Variants in CREB3L2 observed in about 807,000 individuals in gnomAD.
The protein encoded by CREB3L2 is cyclic AMP-responsive element-binding protein 3-like protein 2.
A neutral mutation model predicts 57.2 loss-of-function variants in CREB3L2; 23 were observed. The ratio of observed to expected loss-of-function variants is 0.40; its 90% CI spans 0.29 to 0.57. The LOEUF is 0.57. Among genes scored for constraint, CREB3L2 ranks in the 20% least tolerant of loss-of-function variants. CREB3L2 has a pLI of 0.42. For missense variants in CREB3L2, 628 were observed against 634.7 expected (o/e 0.99, Z 0.11); for synonymous variants, 268 against 265.1 (o/e 1.01, Z -0.11).
chr7:137,912,880 A>G (rs1172642599), intron 4 of CREB3L2, 111 bp downstream of exon 4: 5 of 1,552,598 alleles, frequency 3.2e-6, no homozygotes, highest in African/African-American at 1.4e-5. Flanking sequence ...TCATAAAGCC[A>G]GCTACAACAT....
Position 137,879,418 on chromosome 7 carries a change from C to T in CREB3L2, c.*1058G>A, listed in dbSNP as rs564972163. The T allele has an allele frequency of 4.7e-6, 2 of 424,008 alleles. No homozygotes were observed. Among genetic ancestry groups the T allele is most frequent in the African/African-American group, 4.0e-5 (2 of 49,948 alleles). 26.3% of individuals were successfully genotyped at this position (424,008 alleles called of 1,614,324 possible). ...GTCTGTTGTCAGAACAGGGCTTCCC[C>T]TTCTCTGTCATGAAAACAGGATAGA... On this transcript the variant is annotated 3_prime_UTR_variant, in exon 12 of 12. Coordinates refer to ENST00000330387, the MANE Select transcript of CREB3L2 (RefSeq NM_194071.4).
intron 1 of CREB3L2, chr7:137,956,494 A>C (rs566266493): frequency 4.8e-5 from 27 of 560,776 alleles, no homozygotes; most frequent in Non-Finnish European, 7.9e-5. Flanking sequence ...TTCTAAATCA[A>C]ATCTGAGCTC....
At chr7:137,975,476 G>A (rs1724980538) in intron 1 of CREB3L2, among the ~76,000 whole-genome samples, 2 of 152,056 alleles carry the variant, frequency 1.3e-5, no homozygotes, top group African/African-American at 4.8e-5. Context: ...TTTTTTAAAG[G>A]GCCTTTGTCC....
chr7:137,960,595 G>A (rs1250285095), intron 1 of CREB3L2, among the ~76,000 whole-genome samples: 1 of 152,086 alleles, frequency 6.6e-6, no homozygotes, highest in Non-Finnish European at 1.5e-5. Flanking sequence ...TCTAATAAAA[G>A]ACAACATTGG....
In CREB3L2 at chr7:137,998,788, TC is replaced by T. The variant is rs369291322; in HGVS notation, c.102+2815del. On this transcript the variant is annotated intron_variant, in intron 1 of 11. Coordinates refer to ENST00000330387, the MANE Select transcript of CREB3L2 (RefSeq NM_194071.4). ...CCCAGTGCAAAATGAAAATGTAAGG[TC>T]CCCAGTTCAAAAAGAATTAAGATTT... Among the ~76,000 whole-genome samples, 85 of 152,130 alleles carry T rather than the reference TC, an allele frequency of 5.6e-4. 1 individual carries two copies. In the East Asian group the frequency reaches 0.011, roughly 19 times the overall value.
In CREB3L2 at chr7:137,960,809, C is replaced by CT. The variant is rs66493086; in HGVS notation, c.103-32444dup. Among the ~76,000 whole-genome samples the CT allele has an allele frequency of 1.0e-3, 98 of 95,566 alleles. 5 individuals carry two copies. Among genetic ancestry groups the CT allele is most frequent in the South Asian group, 3.7e-3 (10 of 2,738 alleles). 62.7% of individuals were successfully genotyped at this position (95,566 alleles called of 152,430 possible). A position where few individuals can be genotyped will look rare whatever the true frequency, so the allele number is the denominator to read the frequency against. The stretch of plus-strand genomic sequence containing the variant: ...TTTTAAACTTAAAACTAAATTATTT[C>CT]TTTTTTTTTTTTTTTTTTTTTGAGA... On this transcript the variant is annotated intron_variant, in intron 1 of 11. Coordinates refer to ENST00000330387, the MANE Select transcript of CREB3L2 (RefSeq NM_194071.4).
intron 4 of CREB3L2, among the ~76,000 whole-genome samples, chr7:137,908,875 C>T (rs1032137636): frequency 6.6e-6 from 1 of 152,146 alleles, no homozygotes; most frequent in Admixed American, 6.5e-5. Flanking sequence ...ACTCAGGAGG[C>T]TGAGGCAGGA....
chr7:137,922,384 G>GTATATATATATA lies in CREB3L2; in HGVS notation c.319+5754_319+5765dup, dbSNP rs1175503933. Among the ~76,000 whole-genome samples, 51 of 19,568 alleles carry GTATATATATATA rather than the reference G, an allele frequency of 2.6e-3. 1 individual carries two copies. Among genetic ancestry groups the GTATATATATATA allele is most frequent in the Admixed American group, 4.0e-3 (5 of 1,254 alleles). 12.8% of individuals were successfully genotyped at this position (19,568 alleles called of 152,430 possible). On this transcript the variant is annotated intron_variant, in intron 2 of 11. Transcript: ENST00000330387. ...TTTCTGGTTTACTATATATATATAT[G>GTATATATATATA]TATATATATATATATATATATATAT...
At chr7:137,923,322 A>G (rs1478592040) in intron 2 of CREB3L2, among the ~76,000 whole-genome samples, 1 of 152,228 alleles carries the variant, frequency 6.6e-6, no homozygotes, top group Non-Finnish European at 1.5e-5. Context: ...TCTGTTTGGA[A>G]AAAAGTAAAA....
At chr7:137,922,180 G>A (rs777416434) in intron 2 of CREB3L2, among the ~76,000 whole-genome samples, 2 of 150,916 alleles carry the variant, frequency 1.3e-5, no homozygotes, top group African/African-American at 4.9e-5. Flanking sequence ...ATGGATTACC[G>A]TACCCTCCCT....
At chr7:137,956,062 T>G (rs565046848) in intron 1 of CREB3L2, among the ~76,000 whole-genome samples, 13 of 152,278 alleles carry the variant, frequency 8.5e-5, no homozygotes, top group Non-Finnish European at 1.3e-4. Context: ...GGTCTCAGAT[T>G]TTGCTGCCAC....
At chr7:137,896,954 G>A (rs1021210235) in intron 8 of CREB3L2, among the ~76,000 whole-genome samples, 3 of 152,226 alleles carry the variant, frequency 2.0e-5, no homozygotes, top group African/African-American at 7.2e-5. Context: ...TGGTCACTGG[G>A]CACTGGAAGT....
chr7:137,907,530 T>A (rs273964), intron 5 of CREB3L2, among the ~76,000 whole-genome samples: 83,073 of 152,080 alleles, frequency 0.55, 23,136 homozygotes, highest in East Asian at 0.79. Flanking sequence ...ATTTTCAAAG[T>A]TATGTTAATT....
intron 1 of CREB3L2, among the ~76,000 whole-genome samples, chr7:137,985,120 A>G (rs1443557737): frequency 3.3e-5 from 5 of 152,212 alleles, no homozygotes; most frequent in Non-Finnish European, 7.3e-5. Flanking sequence ...TCAAAGACCT[A>G]CTGCAATTGC....
intron 8 of CREB3L2, among the ~76,000 whole-genome samples, chr7:137,890,281 C>A (rs1391343046): frequency 6.6e-6 from 1 of 152,044 alleles, no homozygotes; most frequent in South Asian, 2.1e-4. Context: ...AGATAAAATG[C>A]AGATAATAGA....
At chr7:137,911,267 T>G (rs1381106063) in intron 4 of CREB3L2, among the ~76,000 whole-genome samples, 26 of 152,226 alleles carry the variant, frequency 1.7e-4, no homozygotes. Flanking sequence ...TTACTAAGTA[T>G]TATTTCACTA....
At chr7:137,968,954 G>T (rs957597224) in intron 1 of CREB3L2, among the ~76,000 whole-genome samples, 16 of 152,108 alleles carry the variant, frequency 1.1e-4, no homozygotes, top group African/African-American at 3.9e-4. Context: ...AAGAAACGAA[G>T]GAGAAGAATA....
At position 137,882,510 on chromosome 7, in the gene CREB3L2, T is replaced by C; in HGVS notation, c.1389A>G (p.Ser463=). Residue 463 remains serine (S), a synonymous_variant, in exon 11 of 12, where the codon TCA becomes TCG. Coordinates refer to ENST00000330387, the MANE Select transcript of CREB3L2 (RefSeq NM_194071.4). The stretch of plus-strand genomic sequence containing the variant: ...CCACATCCGGCCTGGACTCCAGCCC[T>C]GACACCCTGAGCAGGGAGGAACCTC... The part of the protein sequence containing the change: ...WDRGSSLLRV[S]GLESRPDVDL... 1.2e-6 allele frequency: 2 copies of C among 1,613,888 alleles called. No individual in the cohort carries two copies. Among genetic ancestry groups the C allele is most frequent in the Non-Finnish European group, 1.7e-6 (2 of 1,179,910 alleles).
chr7:137,884,249 CTT>C (rs113133425), intron 10 of CREB3L2: 59 of 110,546 alleles, frequency 5.3e-4, no homozygotes, highest in Admixed American at 1.0e-3. Context: ...CTTGCTGATT[CTT>C]TTTTTTTTTT....
Sources: allele counts gnomAD v4.1 joint callset (sites outside exome capture counted in the v4.1 genomes callset), GRCh38; gene constraint gnomAD v4.1.1; transcripts MANE v1.5; gene names NCBI Gene and HGNC (gene_info 2026-07-23, HGNC 2026-07-21).